Variants in CLCN5 observed in about 807,000 individuals in gnomAD.
CLCN5 encodes the protein Cl-/H+ antiporter 5, also known as H(+)/Cl(-) exchange transporter 5.
A neutral mutation model predicts 54.0 loss-of-function variants in CLCN5; 17 were observed. The ratio of observed to expected loss-of-function variants is 0.31; its 90% CI spans 0.22 to 0.47. The LOEUF (loss-of-function observed/expected upper bound fraction) is 0.47. Among genes scored for constraint, CLCN5 ranks in the 20% least tolerant of loss-of-function variants. The pLI, the probability that CLCN5 is intolerant of heterozygous loss-of-function variation, is 1.00. For synonymous variants in CLCN5, 222 were observed against 233.0 expected, an observed-to-expected ratio of 0.95 and a Z score of 0.43; for missense variants, 448 against 646.7, an observed-to-expected ratio of 0.69 and a Z score of 3.33.
At chrX:50,000,452 G>A (rs1366265540) in intron 3 of CLCN5, among the ~76,000 whole-genome samples, 2 of 111,194 alleles carry the variant, frequency 1.8e-5, no homozygotes, top group Non-Finnish European at 3.8e-5. Flanking sequence ...ACACATTTAT[G>A]ATAGGAGCTT....
At chrX:50,079,854 A>G (rs1223645978) in intron 7 of CLCN5, among the ~76,000 whole-genome samples, 1 of 111,090 alleles carries the variant, frequency 9.0e-6, no homozygotes, top group East Asian at 2.8e-4. Context: ...AGGGTGAATA[A>G]GTCTAGAGAG....
chrX:49,971,851 A>G (rs1488955966), intron 3 of CLCN5, among the ~76,000 whole-genome samples: 5 of 112,139 alleles, frequency 4.5e-5, no homozygotes, highest in Non-Finnish European at 7.5e-5. Flanking sequence ...GAAACTTTAA[A>G]TGATTGCTTT....
At chrX:50,030,259 C>A (rs1256147699) in intron 3 of CLCN5, among the ~76,000 whole-genome samples, 3 of 111,684 alleles carry the variant, frequency 2.7e-5, no homozygotes, top group South Asian at 3.7e-4. Flanking sequence ...TGATTTATAT[C>A]TTCCTTTTTT....
chrX:49,947,431 T>A (rs782430318), intron 3 of CLCN5, among the ~76,000 whole-genome samples: 2 of 110,336 alleles, frequency 1.8e-5, no homozygotes, highest in East Asian at 5.7e-4. Context: ...GAGTAGAGAT[T>A]TGGGATCCTT....
Position 50,042,379 on chromosome X carries a change from A to G in CLCN5, c.80A>G (p.Asp27Gly), listed in dbSNP as rs1487310174. 14 of 1,171,949 alleles carry G rather than the reference A, an allele frequency of 1.2e-5. No individual in the cohort carries two copies. The highest frequency in any genetic ancestry group is 2.4e-5 in the Admixed American group (1 of 41,315). ...SFSSFQNSSS[D>G]EDLMDIPATA... is the part of the protein sequence containing the mutation. ...AGTAGCTTCCAGAACAGCTCCAGTG[A>G]TGAAGACCTGATGGACATTCCAGCA... is the stretch of plus-strand genomic sequence containing the variant. Residue 27 changes from aspartate to glycine, a missense_variant, in exon 4 of 15, where the codon GAT becomes GGT. Physicochemically the swap from Asp to Gly is moderately conservative, Grantham distance 94. Around this residue, in one of 5 missense-constraint regions of CLCN5, gnomAD observed 69 missense variants for 60.9 expected, o/e 1.13. Transcript: ENST00000376091.
chrX:50,038,347 T>C (rs1932083550), intron 3 of CLCN5, among the ~76,000 whole-genome samples: 1 of 111,826 alleles, frequency 8.9e-6, no homozygotes, highest in African/African-American at 3.2e-5. Context: ...ACAAATGATA[T>C]ATTAACAATG....
Position 49,934,312 on chromosome X carries a change from C to T in CLCN5, c.16+8998C>T, listed in dbSNP as rs181750802. Among the ~76,000 whole-genome samples, 22 of 111,064 alleles carry T rather than the reference C, an allele frequency of 2.0e-4. No homozygotes were observed. The East Asian group carries it at 6.2e-3, about 31-fold the overall frequency. On this transcript the variant is annotated intron_variant, in intron 3 of 14. Transcript: ENST00000376091. ...TAGCTTATGAAATAAACTATAAATT[C>T]TTATTATTTAACCAGAATTATGATT...
intron 3 of CLCN5, among the ~76,000 whole-genome samples, chrX:49,943,155 GT>G (rs1422420152): frequency 9.6e-6 from 1 of 104,549 alleles, no homozygotes; most frequent in African/African-American, 3.5e-5. Flanking sequence ...CTGATGGCCA[GT>G]GATGATGAGC....
intron 12 of CLCN5, 90 bp from the exon 13 acceptor site, chrX:50,090,026 T>C: frequency 1.0e-6 from 1 of 991,576 alleles, no homozygotes; most frequent in Admixed American, 2.2e-5. Context: ...CCTCATTGTT[T>C]TTGGTAGGTC....
chrX:50,053,247 G>C (rs1369529507), intron 4 of CLCN5, among the ~76,000 whole-genome samples: 2 of 111,457 alleles, frequency 1.8e-5, no homozygotes, highest in African/African-American at 6.5e-5. Context: ...AGATTTTTCT[G>C]TTTCTCCTGT....
intron 3 of CLCN5, among the ~76,000 whole-genome samples, chrX:50,032,793 C>T (rs1931780096): frequency 9.1e-6 from 1 of 109,341 alleles, no homozygotes; most frequent in East Asian, 2.8e-4. Flanking sequence ...GAAGTCCTTG[C>T]CCATGCCTAT....
intron 3 of CLCN5, among the ~76,000 whole-genome samples, chrX:50,013,984 A>G (rs1930655252): frequency 8.9e-6 from 1 of 112,211 alleles, no homozygotes; most frequent in East Asian, 2.8e-4. Context: ...TGCCGACCTT[A>G]CTGTCTAGCA....
rs782359395 is a variant in CLCN5, at chrX:50,086,707, T to G, written c.1394T>G (p.Leu465Arg). Residue 465 changes from leucine (L) to arginine (R), a missense_variant, in exon 11 of 15, where the codon CTG (leucine) becomes CGG (arginine). This residue lies in a region of CLCN5 where 297 missense variants were observed against 470.4 expected (regional missense o/e 0.63). Coordinates refer to ENST00000376091, the MANE Select transcript of CLCN5 (RefSeq NM_001127898.4). ...ISELFNDCGLLDSSKLCDYEN... is the reference protein window; with the variant it reads ...ISELFNDCGLRDSSKLCDYEN... The stretch of plus-strand genomic sequence containing the variant: ...GAGCTGTTTAATGACTGTGGCCTTC[T>G]GGACTCCTCCAAGCTCTGTGATTAT... The G allele has an allele frequency of 1.6e-5, 19 of 1,209,050 alleles. No individual in the cohort carries two copies. Among genetic ancestry groups the G allele is most frequent in the Non-Finnish European group, 2.1e-5 (19 of 895,204 alleles).
intron 3 of CLCN5, among the ~76,000 whole-genome samples, chrX:49,977,556 C>G (rs1450501936): frequency 9.0e-6 from 1 of 111,508 alleles, no homozygotes; most frequent in African/African-American, 3.3e-5. Flanking sequence ...ACACAGTTGC[C>G]ATATGTTGTC....
At chrX:50,051,004 C>G in intron 4 of CLCN5, among the ~76,000 whole-genome samples, 1 of 111,235 alleles carries the variant, frequency 9.0e-6, no homozygotes. Context: ...TTTTGCAAAC[C>G]AGAAATTTTT....
intron 3 of CLCN5, among the ~76,000 whole-genome samples, chrX:49,927,139 T>G: frequency 9.0e-6 from 1 of 111,715 alleles, no homozygotes; most frequent in East Asian, 2.8e-4. Flanking sequence ...ACAGAACTGA[T>G]ATTGGCACAG....
Position 50,081,842 on chromosome X carries a change from A to C in CLCN5, c.928A>C (p.Arg310=). 1 of 1,205,832 alleles carries C rather than the reference A, an allele frequency of 8.3e-7. No homozygotes were observed. ...NKYRKNEAKR[R]EVLSAAAAAG... ...ATACAGGAAGAATGAAGCCAAGCGC[A>C]GAGAGGTAATAATGAATGGCCTTAA... The change falls in exon 9 of 15, where the codon AGA becomes CGA. Residue 310 remains arginine (R), a synonymous_variant. Transcript: ENST00000376091.
At chrX:50,027,690 T>G (rs1931478505) in intron 3 of CLCN5, among the ~76,000 whole-genome samples, 1 of 110,935 alleles carries the variant, frequency 9.0e-6, no homozygotes, top group African/African-American at 3.3e-5. Flanking sequence ...ATTCCAACAT[T>G]CCTTCCATGT....
At chrX:49,933,795 C>A (rs1409513088) in intron 3 of CLCN5, among the ~76,000 whole-genome samples, 1 of 112,106 alleles carries the variant, frequency 8.9e-6, no homozygotes, top group African/African-American at 3.2e-5. Flanking sequence ...ATATTTACTG[C>A]ACGTGCTTCT....
Sources: allele counts gnomAD v4.1 joint callset (sites outside exome capture counted in the v4.1 genomes callset), GRCh38; gene constraint gnomAD v4.1.1; regional missense constraint gnomAD v4.1.1; transcripts MANE v1.5; gene names NCBI Gene and HGNC (gene_info 2026-07-23, HGNC 2026-07-21).